Variants in MAGI3 observed in about 807,000 individuals in gnomAD.
The protein encoded by MAGI3 is membrane associated guanylate kinase, WW and PDZ domain containing 3.
Under a neutral mutation model 121.8 loss-of-function variants are expected in MAGI3, and 43 were observed. The ratio of observed to expected loss-of-function variants is 0.35; its 90% CI spans 0.28 to 0.46. The LOEUF (loss-of-function observed/expected upper bound fraction) is 0.46, where lower values mean the gene tolerates loss of function less well. MAGI3 is among the 20% of genes least tolerant of loss of function. The pLI is 1.00. For missense variants in MAGI3, 1,547 were observed against 1,797.3 expected (o/e 0.86, Z 2.52); for synonymous variants, 553 against 639.3 (o/e 0.86, Z 2.04).
rs748803635 is a variant in MAGI3, at chr1:113,391,014, A to T, written c.-20A>T. 6.4e-7 allele frequency: 1 copy of T among 1,553,594 alleles called. No homozygotes were observed. The highest frequency in any genetic ancestry group is 1.9e-5 in the Admixed American group (1 of 52,122). ...CGGCCGCCCGCGCGGGGTCTCCCCC[A>T]TGGTGCAGCGGGGTTCGGGATGTCG... On this transcript the variant is annotated 5_prime_UTR_variant, in exon 1 of 21. It removes an upstream start codon present in the reference 5' UTR. Coordinates refer to ENST00000307546, the MANE Select transcript of MAGI3 (RefSeq NM_001142782.2). The surrounding 1 kb of genome is among the most constrained non-coding windows in gnomAD (Gnocchi z 4.4).
chr1:113,391,963 TAG>T lies in MAGI3; in HGVS notation c.316+617_316+618del, dbSNP rs759015442. On this transcript the variant is annotated intron_variant, in intron 1 of 20. Transcript: ENST00000307546. This position sits in a 1 kb window ranked among gnomAD's most constrained non-coding sequence, Gnocchi z 4.4. ...TGTGTTCTTGCAGGGAGCTGTTGAA[TAG>T]AGTCTGGGTTTTGCAGGAAGACCTA... Among the ~76,000 whole-genome samples the T allele has an allele frequency of 4.3e-4, 65 of 152,350 alleles. No individual in the cohort carries two copies. The highest frequency in any genetic ancestry group is 4.3e-4 in the Non-Finnish European group (29 of 68,034).
At chr1:113,677,003 T>C (rs1053249361) in intron 19 of MAGI3, among the ~76,000 whole-genome samples, 1 of 152,164 alleles carries the variant, frequency 6.6e-6, no homozygotes, top group African/African-American at 2.4e-5. Context: ...TGAACAGGAC[T>C]GGGGATATAT....
intron 2 of MAGI3, among the ~76,000 whole-genome samples, chr1:113,575,955 A>G (rs946093279): frequency 6.6e-6 from 1 of 152,178 alleles, no homozygotes; most frequent in Non-Finnish European, 1.5e-5. Context: ...TGAGTTCCAC[A>G]CAGTCCGAAC....
chr1:113,676,604 G>C (rs1159972404), intron 19 of MAGI3, among the ~76,000 whole-genome samples: 1 of 152,062 alleles, frequency 6.6e-6, no homozygotes, highest in Non-Finnish European at 1.5e-5. Context: ...TCAAAATCTT[G>C]ACTTGATACA....
chr1:113,617,068 T>A (rs567541667), intron 7 of MAGI3, among the ~76,000 whole-genome samples: 1 of 152,200 alleles, frequency 6.6e-6, no homozygotes, highest in African/African-American at 2.4e-5. Context: ...TTTGTATTTT[T>A]AGTAGAGATG....
intron 1 of MAGI3, among the ~76,000 whole-genome samples, chr1:113,468,616 C>CATTGAGAT (rs1307595414): frequency 1.3e-5 from 2 of 151,982 alleles, no homozygotes; most frequent in Admixed American, 6.6e-5. Flanking sequence ...GTAGCATCTG[C>CATTGAGAT]ATTGAGATAT....
rs1652761614 is a variant in MAGI3 at position 113,422,202 on chromosome 1, A to C, written c.316+30853A>C. On this transcript the variant is annotated intron_variant, in intron 1 of 20. Coordinates refer to ENST00000307546, the MANE Select transcript of MAGI3 (RefSeq NM_001142782.2). The surrounding 1 kb of genome is among the most constrained non-coding windows in gnomAD (Gnocchi z 4.3). The stretch of plus-strand genomic sequence containing the variant: ...TATACCTTTCCCTTAGTTTGCACCA[A>C]TGGTAACATTCTTACAAAACTACAG... 6.6e-6 allele frequency among the ~76,000 whole-genome samples: 1 copy of C among 152,234 alleles called. No homozygotes were observed.
intron 9 of MAGI3, among the ~76,000 whole-genome samples, chr1:113,638,949 C>A (rs1191718547): frequency 5.9e-5 from 9 of 152,202 alleles, no homozygotes; most frequent in African/African-American, 9.6e-5. Context: ...GGGCGCCCCT[C>A]CCCCAGCCTC....
intron 9 of MAGI3, among the ~76,000 whole-genome samples, chr1:113,640,675 T>A (rs898105685): frequency 1.3e-5 from 2 of 151,264 alleles, no homozygotes; most frequent in African/African-American, 4.9e-5. Flanking sequence ...AGTTGAACAA[T>A]GAGAACACAT....
At chr1:113,476,240 T>G (rs1350512319) in intron 1 of MAGI3, among the ~76,000 whole-genome samples, 2 of 152,192 alleles carry the variant, frequency 1.3e-5, no homozygotes, top group East Asian at 1.9e-4. Flanking sequence ...GCTCTGATCT[T>G]AGTTATTTCT....
At chr1:113,637,645 C>G (rs1203683731) in intron 9 of MAGI3, among the ~76,000 whole-genome samples, 2 of 152,150 alleles carry the variant, frequency 1.3e-5, no homozygotes, top group African/African-American at 4.8e-5. Context: ...CGACCTTTCT[C>G]TCTGGCTGCC....
Position 113,519,003 on chromosome 1 carries a change from C to T in MAGI3, c.317-30512C>T, listed in dbSNP as rs144724398. Among the ~76,000 whole-genome samples, 884 of 152,110 alleles carry T rather than the reference C, an allele frequency of 5.8e-3. 7 individuals carry two copies. The highest frequency in any genetic ancestry group is 0.01 in the Non-Finnish European group (687 of 67,982). ...AACAAGTTTGTTTCCCCCGTTACTA[C>T]GAACTACACATTATTTTTGGAGGGA... On this transcript the variant is annotated intron_variant, in intron 1 of 20. Coordinates refer to ENST00000307546, the MANE Select transcript of MAGI3 (RefSeq NM_001142782.2).
intron 2 of MAGI3, among the ~76,000 whole-genome samples, chr1:113,559,553 G>A (rs1429330347): frequency 2.6e-5 from 4 of 151,824 alleles, no homozygotes; most frequent in Non-Finnish European, 5.9e-5. Context: ...GGAGCACCCA[G>A]ATTCATAAAG....
chr1:113,660,114 C>A (rs182692184), intron 16 of MAGI3, among the ~76,000 whole-genome samples: 63 of 152,278 alleles, frequency 4.1e-4, no homozygotes, highest in Middle Eastern at 3.4e-3. Flanking sequence ...TACCACACCA[C>A]TCTCATCATT....
In MAGI3 at chr1:113,672,702, C is replaced by T. The variant is rs747720506; in HGVS notation, c.3006C>T (p.Asp1002=). ...WSDHKHLAQP[D]TAVISVVGSR... is the part of the protein sequence containing the mutation. ...ACCACAAGCACCTTGCACAGCCTGA[C>T]ACCGCAGTAATTTCAGTTGTAGGCA... is the stretch of plus-strand genomic sequence containing the variant. The change falls in exon 18 of 21, where the codon GAC becomes GAT. Residue 1002 remains aspartate, a synonymous_variant. Transcript: ENST00000307546. The T allele has an allele frequency of 1.2e-6, 2 of 1,613,650 alleles. No homozygotes were observed. Among genetic ancestry groups the T allele is most frequent in the African/African-American group, 2.7e-5 (2 of 74,892 alleles).
Position 113,654,013 on chromosome 1 carries a change from C to T in MAGI3, c.2624C>T (p.Pro875Leu), listed in dbSNP as rs749409551. 8.1e-6 allele frequency: 13 copies of T among 1,612,390 alleles called. No individual in the cohort carries two copies. The Admixed American group carries it at 1.0e-4, about 12-fold the overall frequency. ...VILTSKNKPPPGVIPHKIGRV... is the reference protein window; with the variant it reads ...VILTSKNKPPLGVIPHKIGRV... ...CTCACCTCCAAAAACAAACCACCTC[C>T]AGGAGGTAAGGGCTATTGTATCTTA... The change falls in exon 15 of 21, where the codon CCA becomes CTA. Residue 875 changes from proline (P) to leucine (L), a missense_variant. By Grantham distance (98) the Pro-to-Leu change is moderately conservative. Coordinates refer to ENST00000307546, the MANE Select transcript of MAGI3 (RefSeq NM_001142782.2).
At chr1:113,562,191 G>T (rs966786448) in intron 2 of MAGI3, among the ~76,000 whole-genome samples, 3 of 152,180 alleles carry the variant, frequency 2.0e-5, no homozygotes, top group Non-Finnish European at 4.4e-5. Flanking sequence ...AGATCACGAG[G>T]TCAGGAGATC....
intron 1 of MAGI3, among the ~76,000 whole-genome samples, chr1:113,464,468 G>C (rs1006775704): frequency 6.6e-6 from 1 of 152,072 alleles, no homozygotes; most frequent in Non-Finnish European, 1.5e-5. Flanking sequence ...TGAGAGTGCG[G>C]ATATATCTTT....
chr1:113,629,610 A>T (rs1651469781), intron 9 of MAGI3, among the ~76,000 whole-genome samples: 1 of 152,212 alleles, frequency 6.6e-6, no homozygotes, highest in African/African-American at 2.4e-5. Context: ...TCCTAAACCC[A>T]ATAACAATAA....
Sources: allele counts gnomAD v4.1 joint callset (sites outside exome capture counted in the v4.1 genomes callset), GRCh38; gene constraint gnomAD v4.1.1; non-coding constraint Gnocchi (gnomAD v3.1); transcripts MANE v1.5; gene names NCBI Gene and HGNC (gene_info 2026-07-23, HGNC 2026-07-21).